The following CAMTA1 variants were observed in gnomAD, a reference collection of about 807,000 sequenced individuals.
The protein encoded by CAMTA1 is calmodulin-binding transcription activator 1.
Under a neutral mutation model 170.9 loss-of-function variants are expected in CAMTA1, and 27 were observed. The observed-to-expected ratio is 0.16, with a 90% CI of 0.12 to 0.22. CAMTA1 has a LOEUF of 0.22. Among genes scored for constraint, CAMTA1 ranks in the 10% least tolerant of loss-of-function variants. The probability of loss-of-function intolerance (pLI) is 1.00; values close to 1 mark genes in which losing one functional copy is unlikely to be tolerated. For missense variants in CAMTA1, 1,619 were observed against 2,217.2 expected, an observed-to-expected ratio of 0.73 and a Z score of 5.42; for synonymous variants, 833 against 891.5, an observed-to-expected ratio of 0.93 and a Z score of 1.17.
At chr1:7,226,105 T>C (rs74051199) in intron 4 of CAMTA1, among the ~76,000 whole-genome samples, 3,895 of 152,246 alleles carry the variant, frequency 0.026, 153 homozygotes, top group African/African-American at 0.088. Context: ...CAAAAGGGGC[T>C]TTTTAACTCT....
At chr1:7,024,789 T>C (rs1369984017) in intron 3 of CAMTA1, among the ~76,000 whole-genome samples, 1 of 152,234 alleles carries the variant, frequency 6.6e-6, no homozygotes, top group African/African-American at 2.4e-5. Flanking sequence ...AAATTAGTCT[T>C]GGGAAGTAAA....
intron 4 of CAMTA1, among the ~76,000 whole-genome samples, chr1:7,212,400 A>G (rs1658942052): frequency 1.3e-5 from 2 of 152,112 alleles, no homozygotes; most frequent in African/African-American, 4.8e-5. Flanking sequence ...CACTCTCATT[A>G]TTATCTCCTT....
intron 3 of CAMTA1, among the ~76,000 whole-genome samples, chr1:6,980,374 C>G (rs1694232534): frequency 6.6e-6 from 1 of 152,158 alleles, no homozygotes; most frequent in Admixed American, 6.5e-5. Flanking sequence ...GTGGGATCCC[C>G]TTTAGGGACT....
intron 5 of CAMTA1, among the ~76,000 whole-genome samples, chr1:7,449,769 CAAAAAA>C (rs59913060): frequency 6.3e-5 from 5 of 79,610 alleles, no homozygotes; most frequent in Non-Finnish European, 7.5e-5. Context: ...GACTCGGTCT[CAAAAAA>C]AAAAAAAAAA....
chr1:6,969,434 G>A (rs570336526), intron 3 of CAMTA1, among the ~76,000 whole-genome samples: 2 of 152,300 alleles, frequency 1.3e-5, no homozygotes, highest in African/African-American at 2.4e-5. Context: ...TTGGACTGCC[G>A]CTTGCCCTGG....
At chr1:7,261,357 C>T (rs1055719541) in intron 5 of CAMTA1, among the ~76,000 whole-genome samples, 3 of 152,182 alleles carry the variant, frequency 2.0e-5, no homozygotes, top group Non-Finnish European at 4.4e-5. Context: ...TGTTTTGCAG[C>T]AGCTGAGATG....
intron 3 of CAMTA1, among the ~76,000 whole-genome samples, chr1:6,943,868 A>G (rs201724382): frequency 1.8e-4 from 17 of 96,672 alleles, no homozygotes; most frequent in Non-Finnish European, 2.2e-4. Flanking sequence ...AAAAAAAAAA[A>G]GAAAAAAATA....
intron 3 of CAMTA1, among the ~76,000 whole-genome samples, chr1:6,880,889 C>T (rs755054347): frequency 3.9e-5 from 6 of 151,932 alleles, no homozygotes; most frequent in Non-Finnish European, 8.8e-5. Context: ...TTATTCCCCT[C>T]GAAGAGCTTA....
intron 5 of CAMTA1, among the ~76,000 whole-genome samples, chr1:7,354,508 T>C (rs1352279162): frequency 6.6e-6 from 1 of 152,246 alleles, no homozygotes; most frequent in Non-Finnish European, 1.5e-5. Context: ...TCTGTACCTT[T>C]GCTATTTTGC....
intron 6 of CAMTA1, among the ~76,000 whole-genome samples, chr1:7,504,100 G>A (rs2094057363): frequency 6.6e-6 from 1 of 152,190 alleles, no homozygotes; most frequent in Non-Finnish European, 1.5e-5. Context: ...TGTGGGCAGT[G>A]GTGGGTTCTT....
chr1:7,195,736 G>A lies in CAMTA1; in HGVS notation c.303-53755G>A, dbSNP rs1655405316. ...AAGGGGTTCGATTAAGAGAGCTTGT[G>A]GGCTGGGCGCAGTGGCTCATGCCTG... On this transcript the variant is annotated intron_variant, in intron 4 of 22. Transcript: ENST00000303635. The surrounding 1 kb of genome is among the most constrained non-coding windows in gnomAD (Gnocchi z 4.1). Among the ~76,000 whole-genome samples, 1 of 152,164 alleles carries A rather than the reference G, an allele frequency of 6.6e-6. No homozygotes were observed. The highest frequency in any genetic ancestry group is 2.1e-4 in the South Asian group (1 of 4,830).
intron 3 of CAMTA1, among the ~76,000 whole-genome samples, chr1:6,899,538 A>ACGCGCG (rs753718746): frequency 6.8e-5 from 8 of 117,666 alleles, no homozygotes; most frequent in Non-Finnish European, 1.2e-4. Context: ...TATGTGTATA[A>ACGCGCG]CGCGCACGCG....
At chr1:7,114,194 C>T (rs1644224570) in intron 4 of CAMTA1, among the ~76,000 whole-genome samples, 1 of 152,146 alleles carries the variant, frequency 6.6e-6, no homozygotes, top group African/African-American at 2.4e-5. Context: ...TAGTGGGGGC[C>T]TCAGACACCC....
At chr1:6,977,145 G>T (rs539209153) in intron 3 of CAMTA1, among the ~76,000 whole-genome samples, 1 of 152,238 alleles carries the variant, frequency 6.6e-6, no homozygotes, top group South Asian at 2.1e-4. Flanking sequence ...TGGGGGAGAA[G>T]GTCGTGTGGG....
chr1:7,624,446 A>G (rs976533671), intron 6 of CAMTA1, among the ~76,000 whole-genome samples: 8 of 152,244 alleles, frequency 5.3e-5, no homozygotes, highest in Non-Finnish European at 1.0e-4. Flanking sequence ...AGGTGGAAAC[A>G]GAGAAACTGG....
At chr1:7,243,385 A>C (rs1335387429) in intron 4 of CAMTA1, among the ~76,000 whole-genome samples, 2 of 152,208 alleles carry the variant, frequency 1.3e-5, no homozygotes, top group Non-Finnish European at 1.5e-5. Context: ...TCTTTAATCC[A>C]TCTTGAATTA....
intron 1 of CAMTA1, among the ~76,000 whole-genome samples, chr1:6,787,272 G>A (rs1437044293): frequency 6.6e-6 from 1 of 151,836 alleles, no homozygotes; most frequent in Non-Finnish European, 1.5e-5. Flanking sequence ...TCGCCCACAT[G>A]CCATCCTGGA....
chr1:6,899,554 GCACACACACACACACACA>G (rs70984034), intron 3 of CAMTA1, among the ~76,000 whole-genome samples: 1 of 141,086 alleles, frequency 7.1e-6, no homozygotes, highest in African/African-American at 2.6e-5. Flanking sequence ...ACGCGCGCGC[GCACACACACACACACACA>G]CACACACACA....
At chr1:7,480,253 ATGTG>A (rs760292041) in intron 6 of CAMTA1, among the ~76,000 whole-genome samples, 3 of 69,236 alleles carry the variant, frequency 4.3e-5, no homozygotes, top group East Asian at 5.0e-4. Flanking sequence ...GTGTGTGTGC[ATGTG>A]TGTATGTGTG....
Sources: gnomAD v4.1 joint callset for allele counts (sites outside exome capture counted in the v4.1 genomes callset) on GRCh38, gnomAD v4.1.1 for gene constraint, Gnocchi (gnomAD v3.1) non-coding constraint, MANE v1.5 for transcripts, NCBI Gene and HGNC (gene_info 2026-07-23, HGNC 2026-07-21) for gene names.